Variants in DEFB131A observed in about 807,000 individuals in gnomAD.
DEFB131A encodes the protein beta-defensin 131A.
Under a neutral mutation model 2.4 loss-of-function variants are expected in DEFB131A, and 5 were observed. That is an observed-to-expected ratio of 2.12 (90% CI 1.11 to 4.47). The LOEUF is 4.47. Among genes scored for constraint, DEFB131A ranks in the 30% most tolerant of loss-of-function variants. DEFB131A has a pLI of 0.00. For synonymous variants in DEFB131A, 34 were observed against 25.7 expected (o/e 1.32, Z -0.97); for missense variants, 120 against 79.9 (o/e 1.50, Z -1.91).
At position 9,449,147 on chromosome 4, in the gene DEFB131A, A is replaced by T. The variant is rs201329197; in HGVS notation, c.59-1213A>T. 2.0e-5 allele frequency among the ~76,000 whole-genome samples: 3 copies of T among 151,346 alleles called. No homozygotes were observed. In the South Asian group the frequency reaches 6.3e-4, roughly 32 times the overall value. On this transcript the variant is annotated intron_variant, in intron 1 of 1. Coordinates refer to ENST00000334879, the MANE Select transcript of DEFB131A (RefSeq NM_001040448.3). ...CTTAACAAAAAGATGAAAGACTGGT[A>T]CATTAAAAATTGCAGACATTCATGA... is the stretch of plus-strand genomic sequence containing the variant.
At chr4:9,445,978 G>A (rs1338534681) in intron 1 of DEFB131A, among the ~76,000 whole-genome samples, 1 of 152,042 alleles carries the variant, frequency 6.6e-6, no homozygotes. Context: ...ATTCATCCAT[G>A]TTGTGGCATA....
At chr4:9,449,204 A>G (rs1717587044) in intron 1 of DEFB131A, among the ~76,000 whole-genome samples, 1 of 150,762 alleles carries the variant, frequency 6.6e-6, no homozygotes, top group Non-Finnish European at 1.5e-5. Context: ...ATCAGTGGAA[A>G]GATATCCTAT....
intron 1 of DEFB131A, among the ~76,000 whole-genome samples, chr4:9,447,798 G>A (rs2108837743): frequency 6.6e-6 from 1 of 152,050 alleles, no homozygotes; most frequent in African/African-American, 2.4e-5. Flanking sequence ...ACAAATTTTG[G>A]AGGAACACTT....
At position 9,450,426 on chromosome 4, in the gene DEFB131A, C is replaced by G. The variant is rs201768163; in HGVS notation, c.125C>G (p.Ala42Gly). ...EYYHCRLKCN[A>G]DEHAIRYCAD... is the part of the protein sequence containing the mutation. ...TATCATTGCAGACTGAAGTGCAATG[C>G]TGATGAACATGCAATTAGATACTGT... Residue 42 changes from alanine (A) to glycine (G), a missense_variant, in exon 2 of 2, where the codon GCT becomes GGT. Transcript: ENST00000334879. 2.2e-4 allele frequency: 355 copies of G among 1,609,874 alleles called. No homozygotes were observed. The African/African-American group carries it at 4.0e-3, about 18-fold the overall frequency.
At chr4:9,448,942 T>C (rs1230652883) in intron 1 of DEFB131A, among the ~76,000 whole-genome samples, 1 of 152,110 alleles carries the variant, frequency 6.6e-6, no homozygotes, top group African/African-American at 2.4e-5. Context: ...TGTAAAAAAC[T>C]CTAAACTTCA....
intron 1 of DEFB131A, among the ~76,000 whole-genome samples, chr4:9,447,801 G>A (rs1255679736): frequency 2.0e-5 from 3 of 152,104 alleles, no homozygotes. Flanking sequence ...AATTTTGGAG[G>A]AACACTTGTT....
At chr4:9,444,870 C>A (rs7377395) in intron 1 of DEFB131A, among the ~76,000 whole-genome samples, 1 of 149,276 alleles carries the variant, frequency 6.7e-6, no homozygotes, top group Non-Finnish European at 1.5e-5. Flanking sequence ...AGTTCTAGAC[C>A]GACCTGGTGG....
intron 1 of DEFB131A, among the ~76,000 whole-genome samples, chr4:9,447,855 A>G (rs1717541859): frequency 6.6e-6 from 1 of 152,206 alleles, no homozygotes; most frequent in African/African-American, 2.4e-5. Context: ...GTGATCAAGG[A>G]AAGAATCAGT....
intron 1 of DEFB131A, among the ~76,000 whole-genome samples, chr4:9,448,074 A>AT (rs1319906853): frequency 6.6e-6 from 1 of 152,072 alleles, no homozygotes; most frequent in Non-Finnish European, 1.5e-5. Context: ...AATAAGCAAA[A>AT]TGTACATATC....
chr4:9,445,543 T>A (rs1272512399), intron 1 of DEFB131A, among the ~76,000 whole-genome samples: 1 of 151,564 alleles, frequency 6.6e-6, no homozygotes, highest in Non-Finnish European at 1.5e-5. Context: ...ACTGGTTGAC[T>A]TATTGATCAT....
intron 1 of DEFB131A, among the ~76,000 whole-genome samples, chr4:9,447,853 G>C (rs1292502106): frequency 6.6e-6 from 1 of 152,056 alleles, no homozygotes; most frequent in Non-Finnish European, 1.5e-5. Flanking sequence ...ATGTGATCAA[G>C]GAAAGAATCA....
At chr4:9,450,244 T>C (rs2108838786) in intron 1 of DEFB131A, 116 bp from the exon 2 acceptor site, 2 of 1,216,768 alleles carry the variant, frequency 1.6e-6, no homozygotes, top group East Asian at 3.0e-5. Flanking sequence ...TTGCTGTTGA[T>C]TTTGTTTTTC....
intron 1 of DEFB131A, among the ~76,000 whole-genome samples, chr4:9,447,767 T>A (rs547357458): frequency 6.6e-6 from 1 of 151,828 alleles, no homozygotes; most frequent in East Asian, 1.9e-4. Flanking sequence ...TCTGAGATAC[T>A]AAAGATTGGG....
intron 1 of DEFB131A, among the ~76,000 whole-genome samples, chr4:9,448,778 C>A (rs1717571802): frequency 6.6e-6 from 1 of 152,176 alleles, no homozygotes; most frequent in South Asian, 2.1e-4. Flanking sequence ...AGATCAGGAA[C>A]AAGGCAAATG....
At position 9,450,536 on chromosome 4, in the gene DEFB131A, C is replaced by T. The variant is rs1305261797; in HGVS notation, c.*22C>T. The T allele has an allele frequency of 1.2e-6, 2 of 1,602,940 alleles. No homozygotes were observed. Among genetic ancestry groups the T allele is most frequent in the Admixed American group, 1.7e-5 (1 of 59,128 alleles). On this transcript the variant is annotated 3_prime_UTR_variant, in exon 2 of 2. Coordinates refer to ENST00000334879, the MANE Select transcript of DEFB131A (RefSeq NM_001040448.3). ...GTGAAAATTCTAACTCCATCTTCTTCAGACTCCGGGACAAAAAACATGTCT... is the reference window on the plus strand; with the variant it reads ...GTGAAAATTCTAACTCCATCTTCTTTAGACTCCGGGACAAAAAACATGTCT...
chr4:9,447,756 T>C (rs1401526944), intron 1 of DEFB131A, among the ~76,000 whole-genome samples: 1 of 151,970 alleles, frequency 6.6e-6, no homozygotes, highest in African/African-American at 2.4e-5. Flanking sequence ...TATGATTACA[T>C]TCTGAGATAC....
chr4:9,445,417 A>G (rs1207290752), intron 1 of DEFB131A, among the ~76,000 whole-genome samples: 1 of 152,290 alleles, frequency 6.6e-6, no homozygotes, highest in African/African-American at 2.4e-5. Context: ...CTAGCCAATT[A>G]TATATAAGCA....
chr4:9,448,993 G>T (rs1348610328), intron 1 of DEFB131A, among the ~76,000 whole-genome samples: 3 of 151,886 alleles, frequency 2.0e-5, no homozygotes, highest in Admixed American at 6.6e-5. Flanking sequence ...ATTCAGTAAA[G>T]TTGCAGGATA....
At chr4:9,445,092 T>C (rs980670834) in intron 1 of DEFB131A, among the ~76,000 whole-genome samples, 4 of 151,688 alleles carry the variant, frequency 2.6e-5, no homozygotes, top group African/African-American at 9.7e-5. Context: ...AAAATAATAA[T>C]AATAAAAAAT....
Sources: gnomAD v4.1 joint callset for allele counts (sites outside exome capture counted in the v4.1 genomes callset) on GRCh38, gnomAD v4.1.1 for gene constraint, MANE v1.5 for transcripts, NCBI Gene and HGNC (gene_info 2026-07-23, HGNC 2026-07-21) for gene names.